The following AP4M1 variants were observed in gnomAD, a reference collection of about 807,000 sequenced individuals.
AP4M1 encodes AP-4 complex subunit mu-1.
AP4M1 carries 58 observed loss-of-function variants against 62.4 expected under a neutral mutation model. That is an observed-to-expected ratio of 0.93 (90% CI 0.75 to 1.16). AP4M1 has a LOEUF of 1.16. Ranked by LOEUF, AP4M1 falls within the 50% of genes most tolerant of loss-of-function variation. The probability of loss-of-function intolerance (pLI) is 0.00; values close to 1 mark genes in which losing one functional copy is unlikely to be tolerated. For synonymous variants in AP4M1, 290 were observed against 239.7 expected (o/e 1.21, Z -1.94); for missense variants, 626 against 585.4 (o/e 1.07, Z -0.72).
upstream of AP4M1, chr7:100,101,175 C>T: frequency 6.5e-7 from 1 of 1,547,038 alleles, no homozygotes; most frequent in Non-Finnish European, 8.9e-7. Flanking sequence ...CCCGCCGACC[C>T]CGGTCCCCCA....
chr7:100,102,702 A>G lies in AP4M1; in HGVS notation c.175A>G (p.Ile59Val), dbSNP rs748804549. ...TCACCATGGCCGTCATTTCATTCAC[A>G]TCAGACACAGCGGCCTCTATTTGGT... is the stretch of plus-strand genomic sequence containing the variant. ...MHHHGRHFIH[I>V]RHSGLYLVVT... is the part of the protein sequence containing the mutation. The change falls in exon 3 of 15, where the codon ATC becomes GTC. Residue 59 changes from isoleucine (I) to valine (V), a missense_variant. Coordinates refer to ENST00000359593, the MANE Select transcript of AP4M1 (RefSeq NM_004722.4). 8 of 1,613,906 alleles carry G rather than the reference A, an allele frequency of 5.0e-6. No individual in the cohort carries two copies. In the South Asian group the frequency reaches 7.7e-5, roughly 16 times the overall value.
At chr7:100,103,295 C>A in intron 4 of AP4M1, 114 bp from the exon 5 acceptor site, 1 of 909,366 alleles carries the variant, frequency 1.1e-6, no homozygotes, top group Non-Finnish European at 1.8e-6. Context: ...TCTCCTACGT[C>A]TCGGCCTTCC....
At chr7:100,102,030 C>A in intron 2 of AP4M1, 62 bp downstream of exon 2, 1 of 1,572,986 alleles carries the variant, frequency 6.4e-7, no homozygotes, top group Non-Finnish European at 8.7e-7. Flanking sequence ...GGCGCCAGCT[C>A]CCTCCCAGGA....
At chr7:100,102,505 A>G (rs1373790588) in intron 2 of AP4M1, 170 bp from the exon 3 acceptor site, 31 of 676,420 alleles carry the variant, frequency 4.6e-5, no homozygotes, top group Non-Finnish European at 8.0e-5. Flanking sequence ...TAGTGTAATT[A>G]ACCCCCTTTC....
chr7:100,100,976 CT>C, upstream of AP4M1: 3 of 959,890 alleles, frequency 3.1e-6, no homozygotes, highest in Non-Finnish European at 2.9e-6. Context: ...CTGGGCGCGA[CT>C]TTTCCCTGTG....
In AP4M1 at chr7:100,101,970, T is replaced by G; in HGVS notation, c.147+2T>G. On this transcript the variant is annotated splice_donor_variant, in intron 2 of 14. Transcript: ENST00000359593. LOFTEE classifies it high-confidence loss of function. The stretch of plus-strand genomic sequence containing the variant: ...GGAGACGAGTCCCCGGTTGTCATGG[T>G]AACCAGTGGCGGGAGGCGGGTGAGG... 1 of 1,613,134 alleles carries G rather than the reference T, an allele frequency of 6.2e-7. No individual in the cohort carries two copies. The highest frequency in any genetic ancestry group is 8.5e-7 in the Non-Finnish European group (1 of 1,179,894).
At chr7:100,101,228 C>G (rs1230933734), upstream of AP4M1, 1 of 1,612,342 alleles carries the variant, frequency 6.2e-7, no homozygotes, top group African/African-American at 1.3e-5. Flanking sequence ...GGAGGCTCCC[C>G]GCGCAGGACG....
Position 100,107,530 on chromosome 7 carries a change from A to C in AP4M1, c.*648A>C. On this transcript the variant is annotated 3_prime_UTR_variant, in exon 15 of 15. Coordinates refer to ENST00000359593, the MANE Select transcript of AP4M1 (RefSeq NM_004722.4). ...GGTGCGGTGGTGGCGGTGGAGACCA[A>C]CTTGACGATGGGCTGCACGCTGGGG... The C allele has an allele frequency of 6.2e-7, 1 of 1,613,952 alleles. No homozygotes were observed. The highest frequency in any genetic ancestry group is 8.5e-7 in the Non-Finnish European group (1 of 1,179,958).
chr7:100,107,071 C>A lies in AP4M1; in HGVS notation c.*189C>A. 1 of 1,232,098 alleles carries A rather than the reference C, an allele frequency of 8.1e-7. No individual in the cohort carries two copies. The highest frequency in any genetic ancestry group is 1.1e-6 in the Non-Finnish European group (1 of 890,128). The allele number at this position is 1,232,098 out of a possible 1,614,324, so 76.3% of individuals were successfully genotyped here. A position where few individuals can be genotyped will look rare whatever the true frequency, so the allele number is the denominator to read the frequency against. On this transcript the variant is annotated 3_prime_UTR_variant, in exon 15 of 15. Coordinates refer to ENST00000359593, the MANE Select transcript of AP4M1 (RefSeq NM_004722.4). ...TGATGCAGGAAGGACTGCAGTGGAT[C>A]AGAACTTACAAACCAAACTTTTATT...
At position 100,101,922 on chromosome 7, in the gene AP4M1, A is replaced by G. The variant is rs768172513; in HGVS notation, c.101A>G (p.Tyr34Cys). ...SGGRDVAELF[Y>C]RKLTGLPGDE... Reference sequence around the variant, plus strand: ...GGCCGGGATGTGGCCGAGCTCTTCTACCGGAAGCTGACGGGACTGCCAGGA... The same window carrying G: ...GGCCGGGATGTGGCCGAGCTCTTCTGCCGGAAGCTGACGGGACTGCCAGGA... The change falls in exon 2 of 15, where the codon TAC becomes TGC. Residue 34 changes from tyrosine (Y) to cysteine (C), a missense_variant. Coordinates refer to ENST00000359593, the MANE Select transcript of AP4M1 (RefSeq NM_004722.4). The G allele has an allele frequency of 6.2e-7, 1 of 1,613,014 alleles. No homozygotes were observed. The highest frequency in any genetic ancestry group is 1.1e-5 in the South Asian group (1 of 91,072).
intron 2 of AP4M1, 109 bp downstream of exon 2, chr7:100,102,077 C>A: frequency 7.8e-7 from 1 of 1,282,200 alleles, no homozygotes; most frequent in Non-Finnish European, 1.1e-6. Flanking sequence ...GGGGTGCATT[C>A]CGCCAAATAA....
At position 100,108,566 on chromosome 7, in the gene AP4M1, A is replaced by G. The variant is rs1562921017; in HGVS notation, c.*1684A>G. On this transcript the variant is annotated 3_prime_UTR_variant, in exon 15 of 15. Transcript: ENST00000359593. ...CTGCAGAACAGAAAAAAAGCCAGGT[A>G]GAGGGAGGGCTGGGGAAAAAAGCCA... 6.3e-7 allele frequency: 1 copy of G among 1,576,144 alleles called. No homozygotes were observed. The highest frequency in any genetic ancestry group is 2.3e-5 in the East Asian group (1 of 44,110).
rs912316360 is a variant in AP4M1, at chr7:100,103,733, T to C, written c.543+41T>C. 7 of 1,600,412 alleles carry C rather than the reference T, an allele frequency of 4.4e-6. No homozygotes were observed. The African/African-American group carries it at 5.4e-5, about 12-fold the overall frequency. ...ATGGGGTCAGACGCTCTGGTTTTGC[T>C]CTGGGATCCGGGAGTCCAAGATCTT... On this transcript the variant is annotated intron_variant, in intron 6 of 14. Coordinates refer to ENST00000359593, the MANE Select transcript of AP4M1 (RefSeq NM_004722.4).
chr7:100,106,585 C>A, intron 14 of AP4M1, 71 bp downstream of exon 14: 1 of 1,429,186 alleles, frequency 7.0e-7, no homozygotes, highest in Non-Finnish European at 9.7e-7. Context: ...CCTCCCGAAG[C>A]AGCTGCTGCC....
At position 100,107,391 on chromosome 7, in the gene AP4M1, G is replaced by C. The variant is rs762816644; in HGVS notation, c.*509G>C. On this transcript the variant is annotated 3_prime_UTR_variant, in exon 15 of 15. Coordinates refer to ENST00000359593, the MANE Select transcript of AP4M1 (RefSeq NM_004722.4). ...GAGTGGGGACGGGGACGATGCCGGGGGAGGAACTGGAGAAGGATGGGAGGT... is the reference window on the plus strand; with the variant it reads ...GAGTGGGGACGGGGACGATGCCGGGCGAGGAACTGGAGAAGGATGGGAGGT... 3.1e-6 allele frequency: 5 copies of C among 1,598,230 alleles called. No individual in the cohort carries two copies. The Admixed American group carries it at 5.2e-5, about 17-fold the overall frequency.
chr7:100,104,418 G>A (rs1796300267), intron 7 of AP4M1, among the ~76,000 whole-genome samples: 1 of 152,020 alleles, frequency 6.6e-6, no homozygotes, highest in Non-Finnish European at 1.5e-5. Flanking sequence ...CAGCTACTTG[G>A]GAGGCTGAGC....
At chr7:100,101,274 C>A (rs201039171), upstream of AP4M1, 1 of 1,613,156 alleles carries the variant, frequency 6.2e-7, no homozygotes, top group African/African-American at 1.3e-5. Context: ...CCTTCTCTAG[C>A]GCGTAGTCCT....
At chr7:100,102,157 G>C in intron 2 of AP4M1, 189 bp downstream of exon 2, 1 of 668,482 alleles carries the variant, frequency 1.5e-6, no homozygotes, top group Middle Eastern at 4.1e-4. Context: ...GAGGCGGGCG[G>C]ATCACCTGAG....
chr7:100,100,938 C>T (rs577157694), upstream of AP4M1: 65 of 1,037,410 alleles, frequency 6.3e-5, 1 homozygote, highest in South Asian at 1.8e-3. Flanking sequence ...GCACGGGAGC[C>T]CAGAGCCCTT....
Sources: gnomAD v4.1 joint callset for allele counts (sites outside exome capture counted in the v4.1 genomes callset) on GRCh38, gnomAD v4.1.1 for gene constraint, MANE v1.5 for transcripts, NCBI Gene and HGNC (gene_info 2026-07-23, HGNC 2026-07-21) for gene names.